LSP1: variants seen among roughly 807,000 people sequenced by gnomAD.
LSP1 encodes lymphocyte-specific protein 1.
In LSP1, 32 loss-of-function variants were observed where a neutral mutation model predicts 49.3. That is an observed-to-expected ratio of 0.65 (90% CI 0.49 to 0.87). The LOEUF (loss-of-function observed/expected upper bound fraction) is 0.87, where lower values mean the gene tolerates loss of function less well. LSP1 is among the 40% of genes least tolerant of loss of function. The probability of loss-of-function intolerance (pLI) is 0.00; values close to 1 mark genes in which losing one functional copy is unlikely to be tolerated. For missense variants in LSP1, 428 were observed against 442.6 expected (o/e 0.97, Z 0.30); for synonymous variants, 179 against 178.8 (o/e 1.00, Z -0.01).
chr11:1,874,500 C>T (rs995529568), intron 1 of LSP1, among the ~76,000 whole-genome samples: 3 of 152,084 alleles, frequency 2.0e-5, no homozygotes, highest in Non-Finnish European at 4.4e-5. Context: ...GGCTCTGGAC[C>T]CAGCAGGCCC....
chr11:1,885,313 A>G (rs1044100301), intron 7 of LSP1, among the ~76,000 whole-genome samples: 4 of 151,848 alleles, frequency 2.6e-5, no homozygotes, highest in African/African-American at 7.3e-5. Flanking sequence ...TCTCCATCCA[A>G]TCATCCAATA....
At chr11:1,866,818 C>T (rs1847806671) in intron 1 of LSP1, 1 of 1,549,966 alleles carries the variant, frequency 6.5e-7, no homozygotes, top group African/African-American at 1.4e-5. Context: ...AGGGGCAGAG[C>T]CCCTGCCTGG....
intron 3 of LSP1, 68 bp from the exon 4 acceptor site, chr11:1,883,351 A>G: frequency 6.4e-7 from 1 of 1,569,604 alleles, no homozygotes; most frequent in Non-Finnish European, 8.7e-7. Context: ...TGAGGCTTGG[A>G]AAAAGGAAGG....
At position 1,853,123 on chromosome 11, in the gene LSP1, G is replaced by A; in HGVS notation, c.-22G>A. 6.2e-7 allele frequency: 1 copy of A among 1,605,984 alleles called. No homozygotes were observed. Among genetic ancestry groups the A allele is most frequent in the Non-Finnish European group, 8.5e-7 (1 of 1,177,426 alleles). On this transcript the variant is annotated 5_prime_UTR_variant, in exon 1 of 11. In the 5' UTR this introduces an upstream ATG that the reference lacks. Transcript: ENST00000311604. Reference sequence around the variant, plus strand: ...CACTCCAGGGATCTGCCAGCACCCTGTGGGGCCCAGACTACAGGCTGATGG... The same window carrying A: ...CACTCCAGGGATCTGCCAGCACCCTATGGGGCCCAGACTACAGGCTGATGG...
rs766553804 is a variant in LSP1 at position 1,889,773 on chromosome 11, G to A, written c.*14-2000G>A. On this transcript the variant is annotated intron_variant, in intron 10 of 10. Transcript: ENST00000311604. ...GGACTCCAGCGAGCGGCAGGTCGGG[G>A]CTATGGGCACCACAACCCTGGCACT... 2.4e-4 allele frequency: 154 copies of A among 649,616 alleles called. 1 individual carries two copies. Among genetic ancestry groups the A allele is most frequent in the Middle Eastern group, 2.0e-3 (8 of 4,082 alleles). 40.2% of individuals were successfully genotyped at this position (649,616 alleles called of 1,614,324 possible).
intron 1 of LSP1, among the ~76,000 whole-genome samples, chr11:1,875,252 T>C (rs1288192247): frequency 6.6e-6 from 1 of 152,162 alleles, no homozygotes; most frequent in East Asian, 1.9e-4. Flanking sequence ...GGAAGCCAGC[T>C]CTGCAGGCCG....
chr11:1,876,601 G>C (rs572783102), intron 1 of LSP1: 4 of 985,582 alleles, frequency 4.1e-6, no homozygotes, highest in African/African-American at 3.5e-5. Context: ...GACGGGGACC[G>C]AGCCGGACAC....
intron 1 of LSP1, among the ~76,000 whole-genome samples, chr11:1,853,531 G>T (rs953826748): frequency 6.6e-6 from 1 of 152,216 alleles, no homozygotes; most frequent in South Asian, 2.1e-4. Flanking sequence ...AGGAGCTGGG[G>T]ACTGTGGGCC....
rs147890004 is a variant in LSP1 at position 1,883,523 on chromosome 11, A to G, written c.461A>G (p.Asn154Ser). 199 of 1,613,584 alleles carry G rather than the reference A, an allele frequency of 1.2e-4. No individual in the cohort carries two copies. The Admixed American group carries it at 1.3e-3, about 10-fold the overall frequency. The stretch of plus-strand genomic sequence containing the variant: ...GGCCCAGAGGACACTGTCCAGGACA[A>G]CCTGGGGGCCGCAGGGGCTGAGGAG... Reference protein sequence around the residue: ...GPGPEDTVQDNLGAAGAEEEQ... With the variant: ...GPGPEDTVQDSLGAAGAEEEQ... The change falls in exon 4 of 11, where the codon AAC becomes AGC. Residue 154 changes from asparagine to serine, a missense_variant. Transcript: ENST00000311604.
chr11:1,871,610 C>T (rs145153789), intron 1 of LSP1, among the ~76,000 whole-genome samples: 22 of 152,352 alleles, frequency 1.4e-4, no homozygotes, highest in African/African-American at 4.6e-4. Flanking sequence ...GGAGGCCACA[C>T]CATGAGGTTT....
At chr11:1,880,417 G>T (rs918237824) in intron 2 of LSP1, among the ~76,000 whole-genome samples, 193 bp downstream of exon 2, 3 of 152,064 alleles carry the variant, frequency 2.0e-5, no homozygotes, top group Non-Finnish European at 4.4e-5. Flanking sequence ...CTAGAGGAGG[G>T]TCTGCCAATA....
At chr11:1,862,705 C>T (rs1292138299) in intron 1 of LSP1, among the ~76,000 whole-genome samples, 1 of 149,096 alleles carries the variant, frequency 6.7e-6, no homozygotes, top group African/African-American at 2.6e-5. Context: ...CCTGGGTGAT[C>T]TCACCTCCCC....
At chr11:1,872,968 C>T (rs373732099) in intron 1 of LSP1, among the ~76,000 whole-genome samples, 4 of 150,436 alleles carry the variant, frequency 2.7e-5, no homozygotes, top group African/African-American at 7.4e-5. Flanking sequence ...GCAGTCCCAG[C>T]GGTGGGGGGT....
intron 10 of LSP1, chr11:1,890,824 C>T (rs1158269975): frequency 3.5e-6 from 2 of 571,128 alleles, no homozygotes; most frequent in African/African-American, 3.7e-5. Flanking sequence ...GAGGCCGAGT[C>T]CCTCCAGGGA....
intron 1 of LSP1, chr11:1,870,624 G>C (rs960916649): frequency 9.1e-7 from 1 of 1,098,608 alleles, no homozygotes; most frequent in Non-Finnish European, 1.1e-6. Context: ...GGCTGGCTTG[G>C]TCCTTCTCTC....
At position 1,883,929 on chromosome 11, in the gene LSP1, TAGCACC is replaced by T; in HGVS notation, c.499_504del (p.His167_Gln168del). The T allele has an allele frequency of 6.3e-7, 1 of 1,597,706 alleles. No individual in the cohort carries two copies. Among genetic ancestry groups the T allele is most frequent in the Non-Finnish European group, 8.5e-7 (1 of 1,175,318 alleles). On this transcript the variant is annotated splice_acceptor_variant and coding_sequence_variant, in exon 5 of 11. Transcript: ENST00000311604. LOFTEE classifies it high-confidence loss of function. ...CTTGGGATGTCTGTTTTTTTTTTTC[TAGCACC>T]AGAAATGTCAGCAGCCCAGGACACC...
intron 10 of LSP1, chr11:1,889,168 C>A: frequency 1.5e-6 from 1 of 672,854 alleles, no homozygotes; most frequent in Non-Finnish European, 2.8e-6. Context: ...CAGCCAGTCG[C>A]TGTGCGGTTG....
intron 1 of LSP1, among the ~76,000 whole-genome samples, chr11:1,876,091 GAC>G (rs1268266396): frequency 6.6e-6 from 1 of 152,224 alleles, no homozygotes; most frequent in African/African-American, 2.4e-5. Context: ...GATAGGCCCC[GAC>G]ACACACTCCG....
intron 1 of LSP1, among the ~76,000 whole-genome samples, chr11:1,862,030 G>GATGAATGGATGGATGA (rs1847654454): frequency 6.6e-6 from 1 of 151,714 alleles, no homozygotes. Context: ...TGGATGGATG[G>GATGAATGGATGGATGA]ATGAATGGAT....
Sources: allele counts gnomAD v4.1 joint callset (sites outside exome capture counted in the v4.1 genomes callset), GRCh38; gene constraint gnomAD v4.1.1; transcripts MANE v1.5; gene names NCBI Gene and HGNC (gene_info 2026-07-23, HGNC 2026-07-21).